The following TTC29 variants were observed in gnomAD, a reference collection of about 807,000 sequenced individuals.
TTC29 encodes tetratricopeptide repeat protein 29.
Under a neutral mutation model 58.1 loss-of-function variants are expected in TTC29, and 49 were observed. The ratio of observed to expected loss-of-function variants is 0.84; its 90% CI spans 0.67 to 1.07. The LOEUF (loss-of-function observed/expected upper bound fraction) is 1.07, where lower values mean the gene tolerates loss of function less well. Ranked by LOEUF, TTC29 falls within the 50% of genes least tolerant of loss-of-function variation. The pLI, the probability that TTC29 is intolerant of heterozygous loss-of-function variation, is 0.00. For synonymous variants in TTC29, 209 were observed against 196.8 expected, an observed-to-expected ratio of 1.06 and a Z score of -0.52; for missense variants, 582 against 555.6, an observed-to-expected ratio of 1.05 and a Z score of -0.48.
At chr4:146,942,687 A>G in intron 2 of TTC29, 2 of 1,445,026 alleles carry the variant, frequency 1.4e-6, no homozygotes, top group South Asian at 1.4e-5. Context: ...GTGTAGCCCT[A>G]GTAAATTTAA....
rs1305910791 is a variant in TTC29, at chr4:146,803,462, AC to A, written c.1324del (p.Val442LeufsTer66). ...ESRGNIEPDP[V>X]TEEFRGSTVE... ...TCTAAAAACCAATGCCTTACCAGTA[AC>A]TGGATCAGGTTCAATGTTACCTCTG... On this transcript the variant is annotated frameshift_variant, in exon 11 of 13. Coordinates refer to ENST00000325106, the MANE Select transcript of TTC29 (RefSeq NM_031956.4). LOFTEE classifies it high-confidence loss of function. 1 of 1,575,350 alleles carries A rather than the reference AC, an allele frequency of 6.3e-7. No individual in the cohort carries two copies. The highest frequency in any genetic ancestry group is 8.6e-7 in the Non-Finnish European group (1 of 1,158,008).
chr4:146,940,884 G>A (rs758898871), intron 2 of TTC29, among the ~76,000 whole-genome samples: 2 of 152,144 alleles, frequency 1.3e-5, no homozygotes, highest in Non-Finnish European at 2.9e-5. Context: ...GTAATAACAA[G>A]TTCACCCAGA....
At chr4:146,821,471 A>G (rs1751820821) in intron 9 of TTC29, among the ~76,000 whole-genome samples, 1 of 152,220 alleles carries the variant, frequency 6.6e-6, no homozygotes, top group African/African-American at 2.4e-5. Context: ...TAAAAGGCGA[A>G]TACTAGCTTA....
chr4:146,874,346 T>C (rs1731117237), intron 7 of TTC29, among the ~76,000 whole-genome samples: 1 of 152,092 alleles, frequency 6.6e-6, no homozygotes, highest in African/African-American at 2.4e-5. Context: ...CCATGGGGAA[T>C]TTACAAACAA....
At chr4:146,937,706 C>G (rs1458305946) in intron 3 of TTC29, 29 bp from the exon 4 acceptor site, 2 of 1,323,330 alleles carry the variant, frequency 1.5e-6, no homozygotes, top group East Asian at 5.2e-5. Context: ...AATAATAAAG[C>G]ACAGCCTTAT....
intron 11 of TTC29, among the ~76,000 whole-genome samples, chr4:146,728,001 A>G (rs1207156333): frequency 6.6e-6 from 1 of 152,146 alleles, no homozygotes; most frequent in Non-Finnish European, 1.5e-5. Flanking sequence ...AAGAATCCAC[A>G]TAGGGCCAGG....
chr4:146,738,231 A>G (rs1744866896), intron 11 of TTC29, among the ~76,000 whole-genome samples: 1 of 152,188 alleles, frequency 6.6e-6, no homozygotes, highest in Non-Finnish European at 1.5e-5. Flanking sequence ...AAAAGGAGAA[A>G]TAATAGCTGA....
chr4:146,732,382 A>AT (rs764031652), intron 11 of TTC29, among the ~76,000 whole-genome samples: 9 of 152,162 alleles, frequency 5.9e-5, no homozygotes, highest in Non-Finnish European at 1.3e-4. Context: ...GTTCCCAAAG[A>AT]TTAATCTGCT....
intron 4 of TTC29, among the ~76,000 whole-genome samples, chr4:146,932,671 G>T (rs1208264904): frequency 1.3e-5 from 2 of 151,986 alleles, no homozygotes; most frequent in Non-Finnish European, 2.9e-5. Context: ...AACCTAATCT[G>T]CAAAAAACAA....
chr4:146,883,456 C>T (rs12650351), intron 6 of TTC29, among the ~76,000 whole-genome samples: 24,320 of 151,586 alleles, frequency 0.16, 2,188 homozygotes, highest in African/African-American at 0.24. Context: ...ATAGGGAATA[C>T]CCCTGTTAAA....
intron 11 of TTC29, among the ~76,000 whole-genome samples, chr4:146,756,103 T>G (rs999461333): frequency 6.6e-6 from 1 of 151,918 alleles, no homozygotes; most frequent in African/African-American, 2.4e-5. Flanking sequence ...TGAAACCCCG[T>G]TTCTACTAAA....
intron 4 of TTC29, among the ~76,000 whole-genome samples, chr4:146,911,402 G>C (rs1733890049): frequency 6.6e-6 from 1 of 152,164 alleles, no homozygotes; most frequent in Admixed American, 6.6e-5. Flanking sequence ...GCATACTGGG[G>C]AGCTCCTGAA....
chr4:146,931,556 TA>T (rs1735337494), intron 4 of TTC29, among the ~76,000 whole-genome samples: 1 of 152,188 alleles, frequency 6.6e-6, no homozygotes, highest in Admixed American at 6.5e-5. Context: ...CAGGTAACCT[TA>T]AGACAATACA....
At chr4:146,801,617 G>T (rs1383431327) in intron 11 of TTC29, among the ~76,000 whole-genome samples, 2 of 151,344 alleles carry the variant, frequency 1.3e-5, no homozygotes, top group African/African-American at 4.9e-5. Flanking sequence ...AAAAAAAAAT[G>T]ACCTTACAAA....
chr4:146,767,411 A>C (rs954999348), intron 11 of TTC29, among the ~76,000 whole-genome samples: 1 of 151,864 alleles, frequency 6.6e-6, no homozygotes, highest in Non-Finnish European at 1.5e-5. Context: ...TTCTCCCCCA[A>C]ATGAAAACTT....
At chr4:146,718,238 A>C (rs192905666) in intron 11 of TTC29, among the ~76,000 whole-genome samples, 232 of 152,344 alleles carry the variant, frequency 1.5e-3, no homozygotes, top group African/African-American at 5.4e-3. Flanking sequence ...AATACCCAGA[A>C]GTAGGATTGC....
intron 4 of TTC29, among the ~76,000 whole-genome samples, chr4:146,924,778 A>C (rs1444026853): frequency 6.6e-6 from 1 of 151,412 alleles, no homozygotes; most frequent in Non-Finnish European, 1.5e-5. Flanking sequence ...TTCTTTTTCC[A>C]GTTTTTGAAA....
At chr4:146,813,706 GCATGGTGGTT>G (rs1229693380) in intron 10 of TTC29, among the ~76,000 whole-genome samples, 7 of 152,340 alleles carry the variant, frequency 4.6e-5, no homozygotes, top group African/African-American at 1.7e-4. Flanking sequence ...TAGAGGCTGG[GCATGGTGGTT>G]CATGCCTGTA....
chr4:146,848,832 G>A (rs947038314), intron 8 of TTC29, among the ~76,000 whole-genome samples: 1 of 152,152 alleles, frequency 6.6e-6, no homozygotes, highest in Non-Finnish European at 1.5e-5. Flanking sequence ...CCTGTTCCTG[G>A]TCTGAAAGGG....
Sources: allele counts gnomAD v4.1 joint callset (sites outside exome capture counted in the v4.1 genomes callset), GRCh38; gene constraint gnomAD v4.1.1; transcripts MANE v1.5; gene names NCBI Gene and HGNC (gene_info 2026-07-23, HGNC 2026-07-21).